PHF8: variants seen among roughly 807,000 people sequenced by gnomAD.
PHF8 encodes the protein PHD finger protein 8.
PHF8 carries 9 observed loss-of-function variants against 74.4 expected under a neutral mutation model. That is an observed-to-expected ratio of 0.12 (90% confidence interval 0.07 to 0.21). The LOEUF is 0.21. Ranked by LOEUF, PHF8 falls within the 10% of genes least tolerant of loss-of-function variation. The pLI, the probability that PHF8 is intolerant of heterozygous loss-of-function variation, is 1.00. For missense variants in PHF8, 478 were observed against 816.6 expected, an observed-to-expected ratio of 0.59 and a Z score of 5.05; for synonymous variants, 311 against 316.6, an observed-to-expected ratio of 0.98 and a Z score of 0.19.
intron 18 of PHF8, among the ~76,000 whole-genome samples, chrX:53,983,454 A>T (rs1044588266): frequency 1.3e-4 from 15 of 111,679 alleles, no homozygotes; most frequent in Non-Finnish European, 2.6e-4. Context: ...AACAAACAAG[A>T]CACCATCTTT....
chrX:54,026,887 G>A (rs1393204707), intron 2 of PHF8, among the ~76,000 whole-genome samples: 1 of 111,286 alleles, frequency 9.0e-6, no homozygotes, highest in African/African-American at 3.3e-5. Context: ...TTACAGGTGT[G>A]AGCCATCATG....
Position 53,938,455 on chromosome X carries a change from G to A in PHF8, c.*703C>T, listed in dbSNP as rs1287259430. On this transcript the variant is annotated 3_prime_UTR_variant, in exon 22 of 22. Transcript: ENST00000338154. ...GCTTCCTCCAACAGGCTACAAAACC[G>A]TGGTCAAAGGCTTGGGCATCTGACC... 1.2e-5 allele frequency: 9 copies of A among 778,039 alleles called. No homozygotes were observed. The highest frequency in any genetic ancestry group is 1.4e-5 in the Non-Finnish European group (9 of 654,972). The allele number at this position is 778,039 out of a possible 1,213,427, so 64.1% of individuals were successfully genotyped here.
chrX:53,943,301 G>A lies in PHF8; in HGVS notation c.2649+833C>T, dbSNP rs1427903677. 8.8e-6 allele frequency: 8 copies of A among 912,818 alleles called. No homozygotes were observed. In the Admixed American group the frequency reaches 1.2e-4, roughly 13 times the overall value. The allele number at this position is 912,818 out of a possible 1,213,427, so 75.2% of individuals were successfully genotyped here. A position where few individuals can be genotyped will look rare whatever the true frequency, so the allele number is the denominator to read the frequency against. On this transcript the variant is annotated intron_variant, in intron 20 of 21. Coordinates refer to ENST00000338154, the MANE Select transcript of PHF8 (RefSeq NM_015107.3). ...ACATAAGCATTTATTTAAATAGAAA[G>A]TAATATGAAATTTGAAGTTAGAGGA...
Position 54,022,757 on chromosome X carries a change from C to G in PHF8, c.184+1G>C, listed in dbSNP as rs2066199928. ...TCTAGGAAACCCTAAGATCTACTTA[C>G]TAATGGAGGGCCCATGCAAGACTTC... On this transcript the variant is annotated splice_donor_variant, in intron 3 of 21. Transcript: ENST00000338154. LOFTEE classifies it high-confidence loss of function. The G allele has an allele frequency of 8.8e-7, 1 of 1,133,754 alleles. No individual in the cohort carries two copies. The highest frequency in any genetic ancestry group is 1.2e-6 in the Non-Finnish European group (1 of 826,188). 93.4% of individuals were successfully genotyped at this position (1,133,754 alleles called of 1,213,427 possible). A position where few individuals can be genotyped will look rare whatever the true frequency, so the allele number is the denominator to read the frequency against.
chrX:53,993,123 T>C (rs782119493), intron 13 of PHF8: 181 of 358,680 alleles, frequency 5.0e-4, no homozygotes, highest in Non-Finnish European at 3.3e-4. Flanking sequence ...TGAGGCAAGA[T>C]GGAGCCCTGG....
chrX:54,005,497 A>T (rs1056387719), intron 8 of PHF8, among the ~76,000 whole-genome samples: 2 of 109,415 alleles, frequency 1.8e-5, no homozygotes, highest in Non-Finnish European at 3.8e-5. Flanking sequence ...ATGGCTAAAA[A>T]TTTCACATAT....
intron 8 of PHF8, among the ~76,000 whole-genome samples, chrX:54,008,202 A>G (rs2065925074): frequency 9.1e-6 from 1 of 109,952 alleles, no homozygotes; most frequent in Non-Finnish European, 1.9e-5. Flanking sequence ...CCCCGTCTCT[A>G]CTAAAAACAC....
At chrX:53,970,436 A>G (rs1390185619) in intron 18 of PHF8, among the ~76,000 whole-genome samples, 1 of 112,034 alleles carries the variant, frequency 8.9e-6, no homozygotes, top group African/African-American at 3.2e-5. Flanking sequence ...GCAACCATAT[A>G]AACAAGTCTA....
chrX:53,968,236 C>G (rs985792252), intron 18 of PHF8, among the ~76,000 whole-genome samples: 1 of 111,364 alleles, frequency 9.0e-6, no homozygotes, highest in Non-Finnish European at 1.9e-5. Context: ...TTAAAAATAT[C>G]TCATGAGAAA....
chrX:53,948,627 C>G (rs1196631201), intron 19 of PHF8, among the ~76,000 whole-genome samples: 2 of 111,794 alleles, frequency 1.8e-5, no homozygotes, highest in Non-Finnish European at 3.8e-5. Flanking sequence ...CAGATAGATA[C>G]AGATAGAGGA....
At position 54,042,812 on chromosome X, in the gene PHF8, G is replaced by A; in HGVS notation, c.-84C>T. On this transcript the variant is annotated 5_prime_UTR_variant, in exon 2 of 22. Coordinates refer to ENST00000338154, the MANE Select transcript of PHF8 (RefSeq NM_015107.3). The stretch of plus-strand genomic sequence containing the variant: ...GGAGGCGGCAGCACGCGTCCTCTCT[G>A]GACGATAGCTAGGCACAAATAACAC... The A allele has an allele frequency of 1.7e-6, 2 of 1,150,027 alleles. No homozygotes were observed. The highest frequency in any genetic ancestry group is 2.3e-6 in the Non-Finnish European group (2 of 860,401). 94.8% of individuals were successfully genotyped at this position (1,150,027 alleles called of 1,213,427 possible).
intron 18 of PHF8, among the ~76,000 whole-genome samples, chrX:53,966,926 C>G (rs2065200724): frequency 9.1e-6 from 1 of 109,454 alleles, no homozygotes; most frequent in Non-Finnish European, 1.9e-5. Context: ...CGGTCGCGAC[C>G]CCGTCTGGGA....
intron 18 of PHF8, among the ~76,000 whole-genome samples, chrX:53,966,379 G>A (rs1299727720): frequency 8.9e-6 from 1 of 112,523 alleles, no homozygotes; most frequent in Admixed American, 9.4e-5. Context: ...CTGCAGGCGC[G>A]TGCCGCCACG....
At chrX:54,003,645 G>A (rs2065857943) in intron 8 of PHF8, among the ~76,000 whole-genome samples, 1 of 111,991 alleles carries the variant, frequency 8.9e-6, no homozygotes, top group South Asian at 3.7e-4. Flanking sequence ...CGACAGGCAT[G>A]AGCCACTGCA....
chrX:53,996,848 G>A lies in PHF8; in HGVS notation c.1234-1066C>T, dbSNP rs143875905. ...GGGCGTGAGCCACTGCACCCCGGCT[G>A]GAAACCCCTGCTTTAGACAGAGGAG... On this transcript the variant is annotated intron_variant, in intron 11 of 21. Transcript: ENST00000338154. Among the ~76,000 whole-genome samples the A allele has an allele frequency of 3.9e-3, 440 of 112,353 alleles. 20 individuals carry two copies. In the East Asian group the frequency reaches 0.12, roughly 30 times the overall value.
At chrX:53,959,624 G>C (rs901192987) in intron 19 of PHF8, among the ~76,000 whole-genome samples, 1 of 110,136 alleles carries the variant, frequency 9.1e-6, no homozygotes, top group Admixed American at 9.8e-5. Context: ...CACTCTGGGA[G>C]GCCGAGGCAG....
Position 53,995,747 on chromosome X carries a change from T to G in PHF8, c.1269A>C (p.Thr423=). The G allele has an allele frequency of 8.3e-7, 1 of 1,201,935 alleles. No homozygotes were observed. The highest frequency in any genetic ancestry group is 1.1e-6 in the Non-Finnish European group (1 of 886,951). Reference sequence around the variant, plus strand: ...CTTTAATGAGCTGTACGGTTCGCACTGTCTCCGGGATCTCATCCTCATGGT... The same window carrying G: ...CTTTAATGAGCTGTACGGTTCGCACGGTCTCCGGGATCTCATCCTCATGGT... The part of the protein sequence containing the change: ...LPDHEDEIPE[T]VRTVQLIKDL... The change falls in exon 12 of 22, where the codon ACA becomes ACC. Residue 423 remains threonine (T), a synonymous_variant. Transcript: ENST00000338154.
chrX:54,030,119 G>C (rs1270712194), intron 2 of PHF8, among the ~76,000 whole-genome samples: 1 of 110,990 alleles, frequency 9.0e-6, no homozygotes, highest in Non-Finnish European at 1.9e-5. Flanking sequence ...TTCACCACGA[G>C]GCCTTGGAAT....
At chrX:54,033,660 G>A (rs782173514) in intron 2 of PHF8, among the ~76,000 whole-genome samples, 38 of 110,516 alleles carry the variant, frequency 3.4e-4, no homozygotes, top group African/African-American at 1.3e-3. Context: ...GTTGCAGTGA[G>A]CCGAGATCGC....
Sources: gnomAD v4.1 joint callset for allele counts (sites outside exome capture counted in the v4.1 genomes callset) on GRCh38, gnomAD v4.1.1 for gene constraint, MANE v1.5 for transcripts, NCBI Gene and HGNC (gene_info 2026-07-23, HGNC 2026-07-21) for gene names.